ALK: variants seen among roughly 807,000 people sequenced by gnomAD.
The protein encoded by ALK is ALK tyrosine kinase receptor.
In ALK, 74 loss-of-function variants were observed where a neutral mutation model predicts 163.1. The ratio of observed to expected loss-of-function variants is 0.45; its 90% CI spans 0.38 to 0.55. The LOEUF (loss-of-function observed/expected upper bound fraction) is 0.55, where lower values mean the gene tolerates loss of function less well. Ranked by LOEUF, ALK falls within the 20% of genes least tolerant of loss-of-function variation. ALK has a pLI of 0.00. For missense variants in ALK, 2,063 were observed against 2,105.3 expected (o/e 0.98, Z 0.39); for synonymous variants, 960 against 843.2 (o/e 1.14, Z -2.40).
intron 4 of ALK, among the ~76,000 whole-genome samples, chr2:29,475,412 G>A (rs1378600153): frequency 6.6e-6 from 1 of 152,136 alleles, no homozygotes. Flanking sequence ...AAGGTCACAC[G>A]GCGTAGGTGG....
At chr2:29,681,512 C>A (rs887266624) in intron 3 of ALK, among the ~76,000 whole-genome samples, 1 of 152,090 alleles carries the variant, frequency 6.6e-6, no homozygotes, top group East Asian at 1.9e-4. Context: ...TCTTAAAAAT[C>A]TGGAGGAGGA....
chr2:29,605,647 G>A (rs780365559), intron 3 of ALK, among the ~76,000 whole-genome samples: 20 of 152,286 alleles, frequency 1.3e-4, no homozygotes, highest in Non-Finnish European at 2.8e-4. Flanking sequence ...CCGTCTACGA[G>A]CCAGGAAGAA....
chr2:29,787,709 G>A (rs2148355090), intron 1 of ALK, among the ~76,000 whole-genome samples: 1 of 152,308 alleles, frequency 6.6e-6, no homozygotes, highest in East Asian at 1.9e-4. Flanking sequence ...ATAAGAGGCT[G>A]TAAGACAGTA....
intron 3 of ALK, among the ~76,000 whole-genome samples, chr2:29,581,449 T>G (rs1408804752): frequency 6.6e-6 from 1 of 152,038 alleles, no homozygotes; most frequent in African/African-American, 2.4e-5. Context: ...GAGCAGCTGC[T>G]CAAAGGGAGG....
intron 4 of ALK, among the ~76,000 whole-genome samples, chr2:29,523,858 G>GTTTT: frequency 9.0e-6 from 1 of 110,948 alleles, no homozygotes; most frequent in African/African-American, 3.5e-5. Context: ...GAAGCTGAAG[G>GTTTT]TTTTTTTTTT....
intron 3 of ALK, among the ~76,000 whole-genome samples, chr2:29,574,840 T>C: frequency 6.6e-6 from 1 of 152,264 alleles, no homozygotes; most frequent in Middle Eastern, 3.4e-3. Context: ...CGCAGCACAG[T>C]CCCACACACA....
intron 1 of ALK, among the ~76,000 whole-genome samples, chr2:29,809,144 T>C (rs1050851174): frequency 6.6e-6 from 1 of 152,172 alleles, no homozygotes; most frequent in Admixed American, 6.5e-5. Context: ...CAGAAGAATA[T>C]GGATGAAGAG....
intron 3 of ALK, among the ~76,000 whole-genome samples, chr2:29,608,776 A>C (rs1288690853): frequency 1.3e-5 from 2 of 152,160 alleles, no homozygotes; most frequent in Non-Finnish European, 2.9e-5. Flanking sequence ...TAGACAGAGG[A>C]CTTCTGCAGC....
intron 4 of ALK, among the ~76,000 whole-genome samples, chr2:29,474,169 A>G (rs4597471): frequency 0.07 from 10,737 of 152,330 alleles, 527 homozygotes; most frequent in Non-Finnish European, 0.11. Context: ...AATAGTCTGC[A>G]ACAACAACAA....
chr2:29,561,190 G>C (rs780671994), intron 3 of ALK, among the ~76,000 whole-genome samples: 41 of 152,094 alleles, frequency 2.7e-4, no homozygotes, highest in Admixed American at 7.2e-4. Context: ...TATGTAGCTC[G>C]CATTATATTT....
At chr2:29,235,840 A>G (rs1308171624) in intron 13 of ALK, among the ~76,000 whole-genome samples, 1 of 135,560 alleles carries the variant, frequency 7.4e-6, no homozygotes, top group Non-Finnish European at 1.5e-5. Context: ...CTACAGGCAC[A>G]AGCTACCAGG....
chr2:29,582,860 C>CTTTTTTTTTTTTTTTTTTTTT (rs11406173), intron 3 of ALK, among the ~76,000 whole-genome samples: 1 of 137,790 alleles, frequency 7.3e-6, no homozygotes, highest in Non-Finnish European at 1.5e-5. Flanking sequence ...CCCAGCACTC[C>CTTTTTTTTTTTTTTTTTTTTT]TTTTTTTTTT....
intron 4 of ALK, among the ~76,000 whole-genome samples, chr2:29,491,360 T>C (rs1269943243): frequency 6.6e-6 from 1 of 152,168 alleles, no homozygotes; most frequent in East Asian, 1.9e-4. Flanking sequence ...TATGCGTTGA[T>C]TGCATGAATG....
intron 8 of ALK, among the ~76,000 whole-genome samples, chr2:29,313,873 T>C (rs1300247165): frequency 2.0e-5 from 3 of 152,184 alleles, no homozygotes; most frequent in Non-Finnish European, 4.4e-5. Context: ...CTAAGTTTTC[T>C]TACTCTTATC....
intron 26 of ALK, among the ~76,000 whole-genome samples, chr2:29,206,488 T>G (rs1669312846): frequency 6.6e-6 from 1 of 152,022 alleles, no homozygotes; most frequent in Non-Finnish European, 1.5e-5. Context: ...CCCAGGCTGG[T>G]CTTGAACTCC....
chr2:29,713,741 T>G (rs1002943598), intron 2 of ALK, among the ~76,000 whole-genome samples: 2 of 152,138 alleles, frequency 1.3e-5, no homozygotes, highest in Non-Finnish European at 2.9e-5. Flanking sequence ...GATTTGTATT[T>G]CCATAAAAAT....
chr2:29,516,062 C>T (rs1422942359), intron 4 of ALK, among the ~76,000 whole-genome samples: 2 of 152,158 alleles, frequency 1.3e-5, no homozygotes, highest in Admixed American at 6.5e-5. Flanking sequence ...GTGCTGGAGT[C>T]GGGTCTGTGT....
At chr2:29,874,023 A>G (rs936999480) in intron 1 of ALK, among the ~76,000 whole-genome samples, 11 of 152,118 alleles carry the variant, frequency 7.2e-5, no homozygotes, top group African/African-American at 2.7e-4. Context: ...TCCTCCTTAC[A>G]ATGACCTCCC....
intron 9 of ALK, among the ~76,000 whole-genome samples, chr2:29,276,766 A>C (rs1489136729): frequency 6.6e-6 from 1 of 152,216 alleles, no homozygotes; most frequent in African/African-American, 2.4e-5. Context: ...CCATTGATAG[A>C]AAATGTCTAG....
Sources: gnomAD v4.1 joint callset for allele counts (sites outside exome capture counted in the v4.1 genomes callset) on GRCh38, gnomAD v4.1.1 for gene constraint, MANE v1.5 for transcripts, NCBI Gene and HGNC (gene_info 2026-07-23, HGNC 2026-07-21) for gene names.